The following ADD2 variants were observed in gnomAD, a reference collection of about 807,000 sequenced individuals.
ADD2 encodes the protein beta-adducin.
In ADD2, 23 loss-of-function variants were observed where a neutral mutation model predicts 83.0. The observed-to-expected ratio is 0.28, with a 90% CI of 0.20 to 0.39. ADD2 has a LOEUF of 0.39. ADD2 is among the 10% of genes least tolerant of loss of function. The probability of loss-of-function intolerance (pLI) is 1.00; values close to 1 mark genes in which losing one functional copy is unlikely to be tolerated. For missense variants in ADD2, 758 were observed against 944.9 expected (o/e 0.80, Z 2.59); for synonymous variants, 375 against 375.4 (o/e 1.00, Z 0.01).
intron 15 of ADD2, among the ~76,000 whole-genome samples, chr2:70,671,798 G>A (rs897609269): frequency 5.9e-5 from 9 of 152,116 alleles, no homozygotes; most frequent in Non-Finnish European, 1.0e-4. Context: ...TCAGGGTTGG[G>A]GGATTCTATC....
Position 70,728,389 on chromosome 2 carries a change from C to T in ADD2, c.-153-15205G>A, listed in dbSNP as rs1222451131. ...TAGATAAAGAGCCTGAAGCCCACAG[C>T]GGGGGTCAGTCTGCACCTCAAATTT... On this transcript the variant is annotated intron_variant, in intron 1 of 15. Coordinates refer to ENST00000264436, the MANE Select transcript of ADD2 (RefSeq NM_001617.4). Among the ~76,000 whole-genome samples, 8 of 152,148 alleles carry T rather than the reference C, an allele frequency of 5.3e-5. No individual in the cohort carries two copies. In the South Asian group the frequency reaches 1.0e-3, roughly 20 times the overall value.
intron 15 of ADD2, among the ~76,000 whole-genome samples, chr2:70,671,549 C>T (rs1553367034): frequency 6.6e-6 from 1 of 151,944 alleles, no homozygotes; most frequent in East Asian, 1.9e-4. Context: ...AGTTAGTAAA[C>T]AGCCTCTCTA....
intron 6 of ADD2, 29 bp downstream of exon 6, chr2:70,695,692 A>G (rs1671271271): frequency 1.3e-6 from 2 of 1,596,486 alleles, no homozygotes; most frequent in Non-Finnish European, 1.7e-6. Flanking sequence ...TTCAATAAGG[A>G]GTGGGCAGTG....
intron 1 of ADD2, 85 bp downstream of exon 1, chr2:70,767,801 C>T: frequency 6.6e-7 from 1 of 1,516,400 alleles, no homozygotes; most frequent in East Asian, 2.5e-5. Context: ...AAGCGGCTCC[C>T]GCCCGGCCGA....
intron 1 of ADD2, among the ~76,000 whole-genome samples, chr2:70,729,281 C>A (rs1673163397): frequency 6.6e-6 from 1 of 152,192 alleles, no homozygotes; most frequent in Non-Finnish European, 1.5e-5. Flanking sequence ...GACCTTGACC[C>A]CTGGGCTGGA....
chr2:70,695,419 C>T (rs1330769166), intron 6 of ADD2, among the ~76,000 whole-genome samples: 1 of 152,046 alleles, frequency 6.6e-6, no homozygotes, highest in African/African-American at 2.4e-5. Context: ...AAAGGCCCCC[C>T]ATTCCCAACC....
intron 15 of ADD2, 73 bp downstream of exon 15, chr2:70,672,804 TG>T: frequency 6.7e-7 from 1 of 1,491,108 alleles, no homozygotes. Context: ...GCAACACGAG[TG>T]GAAGGCAGGG....
chr2:70,718,295 C>T (rs1672571235), intron 1 of ADD2, among the ~76,000 whole-genome samples: 1 of 152,050 alleles, frequency 6.6e-6, no homozygotes, highest in Admixed American at 6.5e-5. Context: ...TGTTGGTGCC[C>T]GGGAGTGAGC....
At chr2:70,679,522 C>T (rs1299780068) in intron 10 of ADD2, among the ~76,000 whole-genome samples, 1 of 152,182 alleles carries the variant, frequency 6.6e-6, no homozygotes, top group African/African-American at 2.4e-5. Context: ...AGCAAGGCCA[C>T]ATCCCCTCAA....
At chr2:70,689,478 G>A (rs1330458488) in intron 8 of ADD2, among the ~76,000 whole-genome samples, 3 of 152,226 alleles carry the variant, frequency 2.0e-5, no homozygotes, top group Admixed American at 6.5e-5. Flanking sequence ...CAGAGAAACA[G>A]AAAGAGACGA....
chr2:70,697,836 C>G (rs948006976), intron 4 of ADD2, among the ~76,000 whole-genome samples: 1 of 152,134 alleles, frequency 6.6e-6, no homozygotes, highest in Admixed American at 6.5e-5. Context: ...CAACATCCAG[C>G]GAGCAGAGTA....
chr2:70,764,235 T>A (rs1234206982), intron 1 of ADD2, among the ~76,000 whole-genome samples: 1 of 151,924 alleles, frequency 6.6e-6, no homozygotes, highest in African/African-American at 2.4e-5. Context: ...AGTTACTAAA[T>A]ATGCATTAAA....
chr2:70,716,670 T>C (rs1297655012), intron 1 of ADD2, among the ~76,000 whole-genome samples: 2 of 152,156 alleles, frequency 1.3e-5, no homozygotes, highest in African/African-American at 4.8e-5. Flanking sequence ...CTGGGCCAGC[T>C]TAATGAAGCA....
intron 1 of ADD2, among the ~76,000 whole-genome samples, chr2:70,765,308 A>G (rs1486920887): frequency 6.6e-6 from 1 of 152,250 alleles, no homozygotes; most frequent in East Asian, 1.9e-4. Flanking sequence ...AGCCGAGATC[A>G]TGCCACTGCG....
intron 1 of ADD2, 140 bp downstream of exon 1, chr2:70,767,746 C>A (rs549083136): frequency 1.4e-6 from 2 of 1,449,238 alleles, no homozygotes; most frequent in African/African-American, 1.4e-5. Flanking sequence ...CCGGCCAGGG[C>A]TGCAGCACCG....
chr2:70,757,507 A>AT (rs1242359538), intron 1 of ADD2, among the ~76,000 whole-genome samples: 3 of 152,206 alleles, frequency 2.0e-5, no homozygotes, highest in African/African-American at 7.2e-5. Context: ...TGGATACTGC[A>AT]TAACTATGGT....
chr2:70,714,126 G>A (rs1672342014), intron 1 of ADD2, among the ~76,000 whole-genome samples: 3 of 152,118 alleles, frequency 2.0e-5, no homozygotes, highest in African/African-American at 7.2e-5. Flanking sequence ...AAAACTCCTA[G>A]GAATCAAGGT....
intron 6 of ADD2, 91 bp from the exon 7 acceptor site, chr2:70,692,643 A>G (rs1160175554): frequency 5.9e-6 from 8 of 1,347,158 alleles, no homozygotes; most frequent in Non-Finnish European, 7.9e-6. Flanking sequence ...TGTGCCGCCC[A>G]CCTGTCTTCA....
At chr2:70,758,356 T>C (rs1410222357) in intron 1 of ADD2, among the ~76,000 whole-genome samples, 1 of 152,114 alleles carries the variant, frequency 6.6e-6, no homozygotes, top group South Asian at 2.1e-4. Flanking sequence ...GCCTATTTTA[T>C]TGGCTTTCTA....
Sources: gnomAD v4.1 joint callset for allele counts (sites outside exome capture counted in the v4.1 genomes callset) on GRCh38, gnomAD v4.1.1 for gene constraint, MANE v1.5 for transcripts, NCBI Gene and HGNC (gene_info 2026-07-23, HGNC 2026-07-21) for gene names.